Variants in D2HGDH observed in about 807,000 individuals in gnomAD.
D2HGDH encodes D-2-hydroxyglutarate dehydrogenase.
D2HGDH carries 31 observed loss-of-function variants against 46.9 expected under a neutral mutation model. The ratio of observed to expected loss-of-function variants is 0.66; its 90% CI spans 0.50 to 0.89. The LOEUF is 0.89. Among genes scored for constraint, D2HGDH ranks in the 40% least tolerant of loss-of-function variants. The pLI is 0.00. For synonymous variants in D2HGDH, 364 were observed against 332.6 expected, an observed-to-expected ratio of 1.09 and a Z score of -1.03; for missense variants, 698 against 720.8, an observed-to-expected ratio of 0.97 and a Z score of 0.36.
chr2:241,764,363 G>C (rs562401634), intron 9 of D2HGDH, among the ~76,000 whole-genome samples: 1 of 152,256 alleles, frequency 6.6e-6, no homozygotes, highest in African/African-American at 2.4e-5. Context: ...GGCTCATGAC[G>C]TGCATGTTTC....
chr2:241,735,105 A>C, intron 1 of D2HGDH, 28 bp from the exon 2 acceptor site: 1 of 1,088,124 alleles, frequency 9.2e-7, no homozygotes, highest in Non-Finnish European at 1.2e-6. Context: ...CGTGCATAAA[A>C]CATGAAATTA....
At chr2:241,735,650 C>T (rs1400375103) in intron 2 of D2HGDH, 134 bp downstream of exon 2, 3 of 1,226,328 alleles carry the variant, frequency 2.4e-6, no homozygotes, top group Non-Finnish European at 3.4e-6. Flanking sequence ...GGGGCGTGTG[C>T]ACCGCCACAG....
At chr2:241,749,751 G>A in intron 6 of D2HGDH, 1 of 336,908 alleles carries the variant, frequency 3.0e-6, no homozygotes. Flanking sequence ...TGCTGGTGGT[G>A]ACACCAGGCG....
intron 8 of D2HGDH, among the ~76,000 whole-genome samples, chr2:241,753,321 T>C (rs1697600581): frequency 6.6e-6 from 1 of 152,152 alleles, no homozygotes; most frequent in Admixed American, 6.5e-5. Context: ...GGCGAGGCTC[T>C]GGGCAGGTCC....
At chr2:241,756,249 G>A (rs1698166375) in intron 9 of D2HGDH, among the ~76,000 whole-genome samples, 1 of 152,246 alleles carries the variant, frequency 6.6e-6, no homozygotes, top group African/African-American at 2.4e-5. Context: ...TGTAATGGCA[G>A]AGCGCATGGC....
rs781012097 is a variant in D2HGDH, at chr2:241,743,806, C to T, written c.675C>T (p.Gly225=). The change falls in exon 5 of 10, where the codon GGC becomes GGT. Residue 225 remains glycine, a synonymous_variant. Transcript: ENST00000321264. The surrounding 1 kb of genome is among the most constrained non-coding windows in gnomAD (Gnocchi z 4.8). The stretch of plus-strand genomic sequence containing the variant: ...GCTCACTGCATGGGACTGTCCTGGG[C>T]CTGGAAGTGGTGAGCTGGGGCAGCT... ...RYGSLHGTVL[G]LEVVLADGTV... The T allele has an allele frequency of 6.2e-7, 1 of 1,601,042 alleles. No individual in the cohort carries two copies. Among genetic ancestry groups the T allele is most frequent in the Non-Finnish European group, 8.5e-7 (1 of 1,174,438 alleles).
At chr2:241,750,820 G>A (rs1041452092) in intron 7 of D2HGDH, among the ~76,000 whole-genome samples, 6 of 151,666 alleles carry the variant, frequency 4.0e-5, no homozygotes, top group Admixed American at 2.6e-4. Context: ...GGGTTCAAAC[G>A]ATTCTTCTGC....
intron 8 of D2HGDH, among the ~76,000 whole-genome samples, chr2:241,752,704 G>C (rs1002824530): frequency 6.6e-6 from 1 of 151,872 alleles, no homozygotes; most frequent in Admixed American, 6.6e-5. Flanking sequence ...TGGTGGTGCG[G>C]GTGGGGACCC....
intron 9 of D2HGDH, among the ~76,000 whole-genome samples, chr2:241,757,447 T>A (rs1456587492): frequency 7.8e-6 from 1 of 128,488 alleles, no homozygotes; most frequent in Non-Finnish European, 1.8e-5. Context: ...AGAAGAGGGG[T>A]ACGGGAGCCC....
chr2:241,749,469 C>G (rs1279499572), intron 6 of D2HGDH: 2 of 1,016,364 alleles, frequency 2.0e-6, no homozygotes, highest in East Asian at 1.3e-4. Context: ...CACTCAGTTC[C>G]TTTCCATCTT....
intron 9 of D2HGDH, 23 bp downstream of exon 9, chr2:241,756,037 G>A (rs111418313): frequency 4.3e-5 from 69 of 1,586,378 alleles, no homozygotes; most frequent in Admixed American, 2.4e-4. Context: ...CCGGGGCCGC[G>A]GCCCTGTGTG....
intron 6 of D2HGDH, among the ~76,000 whole-genome samples, chr2:241,747,188 G>A (rs920161725): frequency 2.0e-5 from 3 of 152,102 alleles, no homozygotes; most frequent in Admixed American, 6.5e-5. Context: ...CCTAAAGTGC[G>A]GGGGTTATAG....
In D2HGDH at chr2:241,750,260, C is replaced by A; in HGVS notation, c.963C>A (p.Val321=). Residue 321 remains valine (V), a synonymous_variant, in exon 7 of 10, where the codon GTC becomes GTA. Transcript: ENST00000321264. The part of the protein sequence containing the change: ...EFMDAVCMQL[V]GRHLHLASPV... ...TGGATGCTGTGTGCATGCAGCTGGT[C>A]GGGCGCCATCTCCACCTGGCCAGCC... The A allele has an allele frequency of 1.2e-6, 2 of 1,613,772 alleles. No homozygotes were observed. Among genetic ancestry groups the A allele is most frequent in the Non-Finnish European group, 1.7e-6 (2 of 1,180,004 alleles).
At chr2:241,736,432 C>G (rs77506886) in intron 2 of D2HGDH, among the ~76,000 whole-genome samples, 1 of 151,752 alleles carries the variant, frequency 6.6e-6, no homozygotes, top group Admixed American at 6.6e-5. Flanking sequence ...GGGCTGCGCT[C>G]CCTCCAAAGC....
intron 9 of D2HGDH, among the ~76,000 whole-genome samples, chr2:241,762,484 C>T (rs1441347966): frequency 1.3e-5 from 2 of 152,150 alleles, no homozygotes; most frequent in South Asian, 4.1e-4. Flanking sequence ...GCCTGTTGGC[C>T]GGGTGAGTGT....
intron 8 of D2HGDH, among the ~76,000 whole-genome samples, chr2:241,753,908 C>T (rs890954145): frequency 1.3e-5 from 2 of 152,226 alleles, no homozygotes; most frequent in African/African-American, 2.4e-5. Context: ...AGCCAGGAAG[C>T]GCCGGGGAGG....
intron 6 of D2HGDH, chr2:241,749,913 G>A (rs1696837932): frequency 1.7e-6 from 1 of 594,698 alleles, no homozygotes; most frequent in Admixed American, 2.4e-5. Context: ...CTGATCTGAT[G>A]CTGGTGGTGA....
Position 241,768,453 on chromosome 2 carries a change from C to G in D2HGDH, c.*484C>G, listed in dbSNP as rs901413083. The G allele has an allele frequency of 6.1e-6, 1 of 163,908 alleles. No homozygotes were observed. The highest frequency in any genetic ancestry group is 1.3e-5 in the Non-Finnish European group (1 of 75,492). 10.2% of individuals were successfully genotyped at this position (163,908 alleles called of 1,614,324 possible). ...CACGTGGGCCGTGATCGTGGGTTGCCGAGAGGACCTGAGCGCTGCGGCTCT... is the reference window on the plus strand; with the variant it reads ...CACGTGGGCCGTGATCGTGGGTTGCGGAGAGGACCTGAGCGCTGCGGCTCT... On this transcript the variant is annotated 3_prime_UTR_variant, in exon 10 of 10. Transcript: ENST00000321264.
At chr2:241,747,228 G>T (rs1045547768) in intron 6 of D2HGDH, among the ~76,000 whole-genome samples, 3 of 152,180 alleles carry the variant, frequency 2.0e-5, no homozygotes, top group African/African-American at 7.2e-5. Flanking sequence ...CACCCAGCCT[G>T]TGTGGTCTGT....
Sources: gnomAD v4.1 joint callset for allele counts (sites outside exome capture counted in the v4.1 genomes callset) on GRCh38, gnomAD v4.1.1 for gene constraint, Gnocchi (gnomAD v3.1) non-coding constraint, MANE v1.5 for transcripts, NCBI Gene and HGNC (gene_info 2026-07-23, HGNC 2026-07-21) for gene names.